Variants in GPC5 observed in about 807,000 individuals in gnomAD.
GPC5 encodes the protein glypican 5, also known as glypican-5.
In GPC5, 47 loss-of-function variants were observed where a neutral mutation model predicts 53.9. The ratio of observed to expected loss-of-function variants is 0.87; its 90% CI spans 0.69 to 1.11. GPC5 has a LOEUF of 1.11. Among genes scored for constraint, GPC5 ranks in the 50% most tolerant of loss-of-function variants. The pLI is 0.00. For missense variants in GPC5, 748 were observed against 713.1 expected, an observed-to-expected ratio of 1.05 and a Z score of -0.56; for synonymous variants, 286 against 263.3, an observed-to-expected ratio of 1.09 and a Z score of -0.84.
At chr13:92,424,611 C>T (rs577547246) in intron 7 of GPC5, among the ~76,000 whole-genome samples, 1 of 151,716 alleles carries the variant, frequency 6.6e-6, no homozygotes, top group African/African-American at 2.4e-5. Flanking sequence ...TAAAAAGTTA[C>T]ATCTGTTCTT....
chr13:91,649,666 T>C (rs1017790746), intron 2 of GPC5, among the ~76,000 whole-genome samples: 1 of 152,218 alleles, frequency 6.6e-6, no homozygotes, highest in African/African-American at 2.4e-5. Context: ...AGAATGTCTA[T>C]ATTGATCAGC....
intron 1 of GPC5, among the ~76,000 whole-genome samples, chr13:91,403,824 A>G (rs769783677): frequency 7.2e-5 from 11 of 152,200 alleles, no homozygotes; most frequent in Middle Eastern, 3.2e-3. Context: ...ATAGAATCCA[A>G]TGGCTCATCA....
intron 5 of GPC5, among the ~76,000 whole-genome samples, chr13:91,802,203 A>G (rs2138779241): frequency 6.6e-6 from 1 of 151,954 alleles, no homozygotes; most frequent in East Asian, 1.9e-4. Flanking sequence ...GTGTGTCCAG[A>G]GTTTCTTCCT....
At chr13:91,850,927 GAAGA>G (rs1175715599) in intron 5 of GPC5, among the ~76,000 whole-genome samples, 1 of 152,060 alleles carries the variant, frequency 6.6e-6, no homozygotes, top group East Asian at 1.9e-4. Context: ...TTTATACATT[GAAGA>G]AAGAAATATT....
At chr13:91,450,476 T>A (rs1281396467) in intron 2 of GPC5, among the ~76,000 whole-genome samples, 1 of 152,174 alleles carries the variant, frequency 6.6e-6, no homozygotes, top group Non-Finnish European at 1.5e-5. Flanking sequence ...TATTGAATCT[T>A]GGATATGTGA....
At chr13:92,682,258 A>G (rs1458155716) in intron 7 of GPC5, among the ~76,000 whole-genome samples, 3 of 152,196 alleles carry the variant, frequency 2.0e-5, no homozygotes, top group Non-Finnish European at 4.4e-5. Flanking sequence ...TGTAATAGCA[A>G]TAAATTCAGT....
At chr13:92,311,777 A>T (rs990087564) in intron 7 of GPC5, among the ~76,000 whole-genome samples, 3 of 152,158 alleles carry the variant, frequency 2.0e-5, no homozygotes, top group Non-Finnish European at 4.4e-5. Context: ...TGTGGGAATT[A>T]TGGGAGCTAT....
chr13:91,513,641 T>G (rs1226091224), intron 2 of GPC5, among the ~76,000 whole-genome samples: 1 of 152,110 alleles, frequency 6.6e-6, no homozygotes, highest in Non-Finnish European at 1.5e-5. Flanking sequence ...CTCTGGAGGC[T>G]GAGGCAGGAG....
intron 7 of GPC5, among the ~76,000 whole-genome samples, chr13:92,298,858 G>T (rs557986903): frequency 6.6e-6 from 1 of 152,268 alleles, no homozygotes. Flanking sequence ...GCCATGATCT[G>T]CGGATGAGAT....
chr13:91,789,937 C>T (rs1304399005), intron 5 of GPC5, among the ~76,000 whole-genome samples: 1 of 152,144 alleles, frequency 6.6e-6, no homozygotes, highest in Non-Finnish European at 1.5e-5. Flanking sequence ...GGGCAAAACA[C>T]AAGATACAAC....
rs188911322 is a variant in GPC5, at chr13:92,088,221, C to A, written c.1402-56609C>A. ...ACTCTACCGAAGCTGCTCTTCCATA[C>A]CGTTCCACTCCTTTCACTCAAAGTA... is the stretch of plus-strand genomic sequence containing the variant. On this transcript the variant is annotated intron_variant, in intron 6 of 7. Transcript: ENST00000377067. Among the ~76,000 whole-genome samples, 861 of 152,278 alleles carry A rather than the reference C, an allele frequency of 5.7e-3. 6 individuals carry two copies. The highest frequency in any genetic ancestry group is 0.014 in the Middle Eastern group (4 of 294).
intron 7 of GPC5, among the ~76,000 whole-genome samples, chr13:92,503,720 T>A (rs886540280): frequency 6.6e-6 from 1 of 151,842 alleles, no homozygotes; most frequent in African/African-American, 2.4e-5. Context: ...ATTAAAACAA[T>A]AAGTCTGTAT....
intron 6 of GPC5, among the ~76,000 whole-genome samples, chr13:92,007,394 A>G (rs375841702): frequency 2.0e-5 from 3 of 152,100 alleles, no homozygotes; most frequent in East Asian, 3.8e-4. Flanking sequence ...ATGCATATTG[A>G]AGTTCTGATA....
At chr13:92,408,569 G>A (rs114846605) in intron 7 of GPC5, among the ~76,000 whole-genome samples, 39 of 151,990 alleles carry the variant, frequency 2.6e-4, no homozygotes, top group African/African-American at 9.4e-4. Context: ...TAGGGAGCAA[G>A]TGATTGGCAT....
intron 7 of GPC5, among the ~76,000 whole-genome samples, chr13:92,613,883 GAAAAC>G (rs1432833896): frequency 6.6e-6 from 1 of 151,108 alleles, no homozygotes; most frequent in African/African-American, 2.4e-5. Context: ...AAATAAAAAT[GAAAAC>G]AAAACAAAAA....
At chr13:91,706,997 A>C (rs2036119735) in intron 3 of GPC5, among the ~76,000 whole-genome samples, 1 of 152,162 alleles carries the variant, frequency 6.6e-6, no homozygotes, top group Non-Finnish European at 1.5e-5. Flanking sequence ...GGAAAAAACT[A>C]TAGGCTTATT....
intron 7 of GPC5, among the ~76,000 whole-genome samples, chr13:92,208,540 T>C (rs1428879926): frequency 6.6e-6 from 1 of 152,160 alleles, no homozygotes; most frequent in Non-Finnish European, 1.5e-5. Context: ...ATCTTGAATA[T>C]AAGGACATTA....
intron 7 of GPC5, among the ~76,000 whole-genome samples, chr13:92,667,080 T>C (rs1341094926): frequency 6.6e-6 from 1 of 152,156 alleles, no homozygotes; most frequent in Non-Finnish European, 1.5e-5. Flanking sequence ...AAAAAAGATA[T>C]TTTTGGCCAA....
intron 7 of GPC5, among the ~76,000 whole-genome samples, chr13:92,745,776 G>A (rs556208448): frequency 7.9e-5 from 12 of 151,882 alleles, no homozygotes; most frequent in South Asian, 4.1e-4. Flanking sequence ...TCAAAATTTC[G>A]AAACTAATAA....
Sources: allele counts gnomAD v4.1 joint callset (sites outside exome capture counted in the v4.1 genomes callset), GRCh38; gene constraint gnomAD v4.1.1; transcripts MANE v1.5; gene names NCBI Gene and HGNC (gene_info 2026-07-23, HGNC 2026-07-21).